GRXCR2: variants seen among roughly 807,000 people sequenced by gnomAD.
GRXCR2 encodes glutaredoxin and cysteine rich domain containing 2, also known as glutaredoxin domain-containing cysteine-rich protein 2.
In GRXCR2, 23 loss-of-function variants were observed where a neutral mutation model predicts 24.8. The observed-to-expected ratio is 0.93, with a 90% CI of 0.67 to 1.32. The LOEUF is 1.32. GRXCR2 is among the 40% of genes most tolerant of loss of function. The pLI is 0.00. For synonymous variants in GRXCR2, 130 were observed against 116.1 expected, an observed-to-expected ratio of 1.12 and a Z score of -0.77; for missense variants, 315 against 303.4, an observed-to-expected ratio of 1.04 and a Z score of -0.28.
chr5:145,876,191 G>GTGTATATATATATATATATATATA (rs1412232264), upstream of GRXCR2, among the ~76,000 whole-genome samples: 1 of 105,310 alleles, frequency 9.5e-6, no homozygotes, highest in African/African-American at 3.9e-5. Flanking sequence ...GTGTGTGTGT[G>GTGTATATATATATATATATATATA]TATATATATA....
chr5:145,912,127 G>A (rs1389528018), intron 2 of GRXCR2, among the ~76,000 whole-genome samples: 1 of 152,176 alleles, frequency 6.6e-6, no homozygotes, highest in Non-Finnish European at 1.5e-5. Flanking sequence ...CACCCAGAAG[G>A]CAATCAGCCC....
At chr5:145,866,129 C>T (rs1288615024) in intron 2 of GRXCR2, among the ~76,000 whole-genome samples, 2 of 137,586 alleles carry the variant, frequency 1.5e-5, no homozygotes, top group African/African-American at 5.6e-5. Flanking sequence ...AGTGAAACTC[C>T]TTCTCAAAAA....
chr5:145,914,489 A>G (rs1006507311), intron 2 of GRXCR2, among the ~76,000 whole-genome samples: 2 of 151,968 alleles, frequency 1.3e-5, no homozygotes, highest in African/African-American at 4.8e-5. Context: ...CAGCCTGACC[A>G]ACATGGTGAA....
intron 2 of GRXCR2, among the ~76,000 whole-genome samples, chr5:145,899,378 A>T (rs776303219): frequency 3.9e-5 from 6 of 152,092 alleles, no homozygotes; most frequent in Non-Finnish European, 7.4e-5. Context: ...AACTACCAAC[A>T]TAATTTTTCA....
intron 2 of GRXCR2, among the ~76,000 whole-genome samples, chr5:145,896,091 G>A (rs367650444): frequency 6.6e-6 from 1 of 152,138 alleles, no homozygotes; most frequent in East Asian, 1.9e-4. Context: ...GTAGAAAGCT[G>A]AAACTGGATC....
At chr5:145,889,172 A>AAAGAAAGAAAGAAAGAAAGAAAG (rs1554105330) in intron 2 of GRXCR2, among the ~76,000 whole-genome samples, 46 of 84,038 alleles carry the variant, frequency 5.5e-4, no homozygotes, top group Admixed American at 1.1e-3. Flanking sequence ...CTGTCTCAAA[A>AAAGAAAGAAAGAAAGAAAGAAAG]AAAGAAAGAA....
At chr5:145,877,197 T>C (rs544157622), upstream of GRXCR2, among the ~76,000 whole-genome samples, 1 of 152,142 alleles carries the variant, frequency 6.6e-6, no homozygotes, top group East Asian at 1.9e-4. Flanking sequence ...GGGAAAAAAA[T>C]TGAAAACAAC....
At chr5:145,929,170 C>T (rs1249177961) in intron 2 of GRXCR2, among the ~76,000 whole-genome samples, 4 of 134,310 alleles carry the variant, frequency 3.0e-5, no homozygotes, top group African/African-American at 8.3e-5. Flanking sequence ...ATCTCCTTAT[C>T]ATTTTTAATA....
chr5:145,924,277 G>A (rs949712405), intron 2 of GRXCR2, among the ~76,000 whole-genome samples: 1 of 152,130 alleles, frequency 6.6e-6, no homozygotes, highest in African/African-American at 2.4e-5. Flanking sequence ...AATAAATTGA[G>A]CATAAAAACG....
intron 2 of GRXCR2, among the ~76,000 whole-genome samples, chr5:145,866,155 A>C: frequency 6.6e-6 from 1 of 151,750 alleles, no homozygotes; most frequent in East Asian, 1.9e-4. Context: ...AAAAAAAGAA[A>C]GAAAGAAAAA....
intron 2 of GRXCR2, among the ~76,000 whole-genome samples, chr5:145,904,811 G>A (rs1757068780): frequency 6.6e-6 from 1 of 152,204 alleles, no homozygotes; most frequent in African/African-American, 2.4e-5. Flanking sequence ...TGGACCAGTT[G>A]CCTCCAGATG....
intron 2 of GRXCR2, among the ~76,000 whole-genome samples, chr5:145,900,173 G>A (rs1462368316): frequency 6.6e-6 from 1 of 152,070 alleles, no homozygotes; most frequent in African/African-American, 2.4e-5. Flanking sequence ...GAGGGGGTCT[G>A]GTGGGAGGTG....
chr5:145,868,948 C>T (rs1465028874), intron 1 of GRXCR2, among the ~76,000 whole-genome samples: 1 of 152,224 alleles, frequency 6.6e-6, no homozygotes, highest in Non-Finnish European at 1.5e-5. Flanking sequence ...CCCAGTCCTA[C>T]ATGATAGAGG....
At chr5:145,869,227 T>G (rs527630010) in intron 1 of GRXCR2, among the ~76,000 whole-genome samples, 12 of 152,336 alleles carry the variant, frequency 7.9e-5, no homozygotes, top group African/African-American at 2.9e-4. Flanking sequence ...GCAAGTTAGT[T>G]AATCCTTATG....
chr5:145,885,514 T>C (rs1340992436), intron 2 of GRXCR2, among the ~76,000 whole-genome samples: 1 of 152,194 alleles, frequency 6.6e-6, no homozygotes, highest in Non-Finnish European at 1.5e-5. Flanking sequence ...GGGGCTCTGC[T>C]TAGAAAGTAA....
chr5:145,866,561 G>C lies in GRXCR2; in HGVS notation c.504C>G (p.Asp168Glu). 1 of 1,614,156 alleles carries C rather than the reference G, an allele frequency of 6.2e-7. No individual in the cohort carries two copies. Among genetic ancestry groups the C allele is most frequent in the Non-Finnish European group, 8.5e-7 (1 of 1,180,010 alleles). ...MNKEESYGGR[D>E]QHDRPLVEAE... ...CCTCCACCAAAGGTCTATCGTGCTG[G>C]TCCCTGCCTCCATAGCTTTCTTCTT... The change falls in exon 2 of 3, where the codon GAC becomes GAG. Residue 168 changes from aspartate (D) to glutamate (E), a missense_variant. Coordinates refer to ENST00000377976, the MANE Select transcript of GRXCR2 (RefSeq NM_001080516.2).
intron 2 of GRXCR2, among the ~76,000 whole-genome samples, chr5:145,906,922 G>A (rs1181321906): frequency 6.7e-6 from 1 of 150,190 alleles, no homozygotes. Flanking sequence ...TTTATATAAA[G>A]TTATCATGGG....
At chr5:145,869,038 C>T (rs1212384189) in intron 1 of GRXCR2, among the ~76,000 whole-genome samples, 1 of 152,206 alleles carries the variant, frequency 6.6e-6, no homozygotes, top group African/African-American at 2.4e-5. Flanking sequence ...CTTGTAAATA[C>T]TCTTTTGTCT....
intron 2 of GRXCR2, among the ~76,000 whole-genome samples, chr5:145,906,360 G>A (rs10077374): frequency 0.23 from 34,127 of 151,200 alleles, 5,940 homozygotes; most frequent in African/African-American, 0.48. Flanking sequence ...AAAAAAAAAA[G>A]GGGGGTGCTT....
Sources: allele counts gnomAD v4.1 joint callset (sites outside exome capture counted in the v4.1 genomes callset), GRCh38; gene constraint gnomAD v4.1.1; transcripts MANE v1.5; gene names NCBI Gene and HGNC (gene_info 2026-07-23, HGNC 2026-07-21).